ANTXRL: variants seen among roughly 807,000 people sequenced by gnomAD.
The protein encoded by ANTXRL is ANTXR like, also known as anthrax toxin receptor-like.
Under a neutral mutation model 75.4 loss-of-function variants are expected in ANTXRL, and 63 were observed. The observed-to-expected ratio is 0.84, with a 90% confidence interval of 0.68 to 1.03. The LOEUF is 1.03. Among genes scored for constraint, ANTXRL ranks in the 50% least tolerant of loss-of-function variants. The pLI is 0.00. For missense variants in ANTXRL, 797 were observed against 789.4 expected (o/e 1.01, Z -0.12); for synonymous variants, 335 against 291.3 (o/e 1.15, Z -1.53).
chr10:46,316,941 G>A (rs1838759874), intron 16 of ANTXRL, among the ~76,000 whole-genome samples: 1 of 152,156 alleles, frequency 6.6e-6, no homozygotes. Flanking sequence ...TGGGTGCTGT[G>A]TGAGTGTGTG....
intron 13 of ANTXRL, 58 bp downstream of exon 13, chr10:46,309,260 G>T (rs1838282652): frequency 3.3e-6 from 5 of 1,520,600 alleles, no homozygotes; most frequent in South Asian, 1.2e-5. Context: ...CCCTCTGAGG[G>T]ACTCTAACAT....
At chr10:46,320,497 C>T (rs969806991) in intron 16 of ANTXRL, among the ~76,000 whole-genome samples, 2 of 152,108 alleles carry the variant, frequency 1.3e-5, no homozygotes, top group Non-Finnish European at 2.9e-5. Flanking sequence ...TTTGGGAGGC[C>T]TAGGTGGGCA....
intron 16 of ANTXRL, among the ~76,000 whole-genome samples, chr10:46,316,317 A>G (rs1254688038): frequency 2.0e-5 from 3 of 152,094 alleles, no homozygotes; most frequent in African/African-American, 7.2e-5. Flanking sequence ...AAGGTGGGCC[A>G]GACACTGTTG....
At chr10:46,305,543 T>C (rs1267161832) in intron 10 of ANTXRL, among the ~76,000 whole-genome samples, 1 of 152,126 alleles carries the variant, frequency 6.6e-6, no homozygotes. Flanking sequence ...AGGTTGGCTA[T>C]GCAGTTAATG....
intron 2 of ANTXRL, chr10:46,293,157 C>T (rs56396286): frequency 0.075 from 11,339 of 150,582 alleles, 1,351 homozygotes; most frequent in African/African-American, 0.26. Flanking sequence ...GCCGTGTGTG[C>T]GTGTTCATAT....
intron 16 of ANTXRL, among the ~76,000 whole-genome samples, chr10:46,325,330 G>A (rs782005440): frequency 6.6e-6 from 1 of 152,124 alleles, no homozygotes; most frequent in Non-Finnish European, 1.5e-5. Context: ...ATCTACCTTG[G>A]GGTAAGGAAT....
chr10:46,314,091 AC>A (rs1345679391), intron 16 of ANTXRL, among the ~76,000 whole-genome samples: 4 of 152,140 alleles, frequency 2.6e-5, no homozygotes, highest in Admixed American at 2.0e-4. Flanking sequence ...AGGGACCTGC[AC>A]TGGCCAGACC....
intron 3 of ANTXRL, among the ~76,000 whole-genome samples, chr10:46,294,993 C>T (rs1201775439): frequency 6.6e-6 from 1 of 152,208 alleles, no homozygotes; most frequent in East Asian, 1.9e-4. Context: ...CCAGTCCTGC[C>T]ACCAGAGCCA....
rs1233196737 is a variant in ANTXRL, at chr10:46,329,642, A to G, written c.1454A>G (p.Gln485Arg). The G allele has an allele frequency of 2.0e-6, 3 of 1,536,412 alleles. No individual in the cohort carries two copies. Among genetic ancestry groups the G allele is most frequent in the Non-Finnish European group, 2.6e-6 (3 of 1,146,830 alleles). ...GCCCTTGCACAGTCCCAATATGCAC[A>G]GGCTCCCTGCTGCCCAAGGATCTGC... ...SLALAQSQYA[Q>R]APCCPRICFP... Residue 485 changes from glutamine to arginine, a missense_variant, in exon 17 of 17, where the codon CAG becomes CGG. By Grantham distance (43) the Gln-to-Arg change is conservative. Around this residue, in one of 3 missense-constraint regions of ANTXRL, gnomAD observed 479 missense variants for 422.0 expected, o/e 1.14. Transcript: ENST00000620264.
chr10:46,305,075 C>T (rs1168120899), intron 10 of ANTXRL, among the ~76,000 whole-genome samples: 2 of 152,182 alleles, frequency 1.3e-5, no homozygotes, highest in African/African-American at 4.8e-5. Context: ...TGAGAACAAC[C>T]TTTAAACCTA....
chr10:46,295,497 A>G (rs1416254977), intron 3 of ANTXRL, among the ~76,000 whole-genome samples: 2 of 62,696 alleles, frequency 3.2e-5, no homozygotes, highest in African/African-American at 9.0e-5. Flanking sequence ...AGTTAGAGTT[A>G]GAGTTAGAGT....
At position 46,292,148 on chromosome 10, in the gene ANTXRL, C is replaced by T; in HGVS notation, c.320+19C>T. ...TCCAAAGGTACAGATCTCTGCATGGCAGCCTCCCCTGAGCTGCAGAGAGCT... is the reference window on the plus strand; with the variant it reads ...TCCAAAGGTACAGATCTCTGCATGGTAGCCTCCCCTGAGCTGCAGAGAGCT... On this transcript the variant is annotated intron_variant, in intron 2 of 16. Coordinates refer to ENST00000620264, the MANE Select transcript of ANTXRL (RefSeq NM_001278688.3). The T allele has an allele frequency of 6.5e-7, 1 of 1,535,282 alleles. No individual in the cohort carries two copies. Among genetic ancestry groups the T allele is most frequent in the Non-Finnish European group, 8.7e-7 (1 of 1,146,104 alleles).
chr10:46,295,991 G>A lies in ANTXRL; in HGVS notation c.393-28G>A, dbSNP rs782762540. The A allele has an allele frequency of 3.9e-6, 6 of 1,523,274 alleles. No individual in the cohort carries two copies. The South Asian group carries it at 4.8e-5, about 12-fold the overall frequency. 94.4% of individuals were successfully genotyped at this position (1,523,274 alleles called of 1,614,324 possible). A position where few individuals can be genotyped will look rare whatever the true frequency, so the allele number is the denominator to read the frequency against. On this transcript the variant is annotated intron_variant, in intron 3 of 16. Coordinates refer to ENST00000620264, the MANE Select transcript of ANTXRL (RefSeq NM_001278688.3). The stretch of plus-strand genomic sequence containing the variant: ...TTTTTAACAGTCAATGTCTTTCCAG[G>A]TCAACCACCTTTTTAAATTTTTTTC...
rs782067949 is a variant in ANTXRL at position 46,289,611 on chromosome 10, C to T, written c.248+2101C>T. Among the ~76,000 whole-genome samples, 5 of 151,218 alleles carry T rather than the reference C, an allele frequency of 3.3e-5. No individual in the cohort carries two copies. The South Asian group carries it at 8.3e-4, about 25-fold the overall frequency. On this transcript the variant is annotated intron_variant, in intron 1 of 16. Coordinates refer to ENST00000620264, the MANE Select transcript of ANTXRL (RefSeq NM_001278688.3). ...GCATGGTGATGTGTGCCTCCACTCC[C>T]AGCTACTCAGCCTGAGCTGAGGCAG...
Position 46,329,870 on chromosome 10 carries a change from C to T in ANTXRL, c.1682C>T (p.Pro561Leu), listed in dbSNP as rs558297801. 4.2e-5 allele frequency: 64 copies of T among 1,535,050 alleles called. No homozygotes were observed. The highest frequency in any genetic ancestry group is 1.2e-4 in the East Asian group (5 of 40,874). Residue 561 changes from proline (P) to leucine (L), a missense_variant, in exon 17 of 17, where the codon CCG becomes CTG. Physicochemically the swap from Pro to Leu is moderately conservative, Grantham distance 98. This residue lies in a region of ANTXRL where 479 missense variants were observed against 422.0 expected (regional missense o/e 1.14). Coordinates refer to ENST00000620264, the MANE Select transcript of ANTXRL (RefSeq NM_001278688.3). ...CSPRICLRHS[P>L]EYFSQAQTLC... ...CCAAGGATCTGCCTGAGACACAGCC[C>T]GGAGTACTTTTCCCAAGCACAGACT...
chr10:46,301,936 G>A (rs782500818), intron 9 of ANTXRL, among the ~76,000 whole-genome samples: 2 of 152,208 alleles, frequency 1.3e-5, no homozygotes, highest in African/African-American at 4.8e-5. Context: ...ACCCTGGCTG[G>A]CTCCTGGGTC....
chr10:46,316,821 C>G (rs1838751767), intron 16 of ANTXRL, among the ~76,000 whole-genome samples: 1 of 152,278 alleles, frequency 6.6e-6, no homozygotes, highest in South Asian at 2.1e-4. Flanking sequence ...AGGCCAATGT[C>G]TGTGTGGAGT....
intron 11 of ANTXRL, 104 bp from the exon 12 acceptor site, chr10:46,307,298 C>T (rs1838153126): frequency 7.1e-6 from 6 of 842,050 alleles, no homozygotes; most frequent in Non-Finnish European, 7.7e-6. Context: ...GCTAAGTTTA[C>T]CTGCAAGTGT....
rs781993578 is a variant in ANTXRL at position 46,294,634 on chromosome 10, G to T, written c.392+734G>T. Among the ~76,000 whole-genome samples, 95 of 152,260 alleles carry T rather than the reference G, an allele frequency of 6.2e-4. 1 individual carries two copies. Among genetic ancestry groups the T allele is most frequent in the Non-Finnish European group, 6.2e-4 (42 of 68,020 alleles). On this transcript the variant is annotated intron_variant, in intron 3 of 16. Transcript: ENST00000620264. ...CAGTTTCGAGGGAATACAGAGTAGGGGAGCTTGAGTCTGTGTGTCCTGCGC... is the reference window on the plus strand; with the variant it reads ...CAGTTTCGAGGGAATACAGAGTAGGTGAGCTTGAGTCTGTGTGTCCTGCGC...
Sources: allele counts gnomAD v4.1 joint callset (sites outside exome capture counted in the v4.1 genomes callset), GRCh38; gene constraint gnomAD v4.1.1; regional missense constraint gnomAD v4.1.1; transcripts MANE v1.5; gene names NCBI Gene and HGNC (gene_info 2026-07-23, HGNC 2026-07-21).